Variants in TP63 observed in about 807,000 individuals in gnomAD.
TP63 encodes the protein tumor protein p63.
A neutral mutation model predicts 82.8 loss-of-function variants in TP63; 17 were observed. The observed-to-expected ratio is 0.21, with a 90% confidence interval of 0.14 to 0.31. The LOEUF is 0.31. TP63 is among the 10% of genes least tolerant of loss of function. The pLI is 1.00. For synonymous variants in TP63, 330 were observed against 321.7 expected, an observed-to-expected ratio of 1.03 and a Z score of -0.28; for missense variants, 648 against 895.3, an observed-to-expected ratio of 0.72 and a Z score of 3.52.
chr3:189,684,939 T>A (rs1716314697), intron 1 of TP63, among the ~76,000 whole-genome samples: 1 of 152,122 alleles, frequency 6.6e-6, no homozygotes, highest in Non-Finnish European at 1.5e-5. Flanking sequence ...GCCAAGGATA[T>A]ACTTATATAT....
At position 189,696,487 on chromosome 3, in the gene TP63, G is replaced by A. The variant is rs775371732; in HGVS notation, c.63-41253G>A. ...CTTGCTTCCAATTCTTGGTAATTAT[G>A]AATAAAACTGCTATAAACATTCCAA... On this transcript the variant is annotated intron_variant, in intron 1 of 13. Coordinates refer to ENST00000264731, the MANE Select transcript of TP63 (RefSeq NM_003722.5). 5.3e-5 allele frequency among the ~76,000 whole-genome samples: 8 copies of A among 152,216 alleles called. No individual in the cohort carries two copies. In the South Asian group the frequency reaches 8.3e-4, roughly 16 times the overall value.
At chr3:189,781,910 A>C (rs1207382820) in intron 3 of TP63, among the ~76,000 whole-genome samples, 1 of 152,144 alleles carries the variant, frequency 6.6e-6, no homozygotes, top group Non-Finnish European at 1.5e-5. Context: ...ATCTAGGTTA[A>C]ATAGACAAAT....
intron 3 of TP63, among the ~76,000 whole-genome samples, chr3:189,760,987 A>G (rs989914848): frequency 1.3e-5 from 2 of 152,186 alleles, no homozygotes; most frequent in Admixed American, 6.6e-5. Flanking sequence ...TCTCAGCCAC[A>G]GGTAGAATGG....
chr3:189,639,396 G>A (rs1711607868), intron 1 of TP63, among the ~76,000 whole-genome samples: 1 of 151,962 alleles, frequency 6.6e-6, no homozygotes, highest in Non-Finnish European at 1.5e-5. Flanking sequence ...CTTAGATTGT[G>A]GGAATTAATT....
intron 1 of TP63, among the ~76,000 whole-genome samples, chr3:189,735,627 G>T (rs1720522871): frequency 1.3e-5 from 2 of 152,058 alleles, no homozygotes; most frequent in Non-Finnish European, 2.9e-5. Flanking sequence ...CATTCCCATT[G>T]ATTTTGCCCT....
At chr3:189,759,269 G>T (rs113296677) in intron 3 of TP63, among the ~76,000 whole-genome samples, 1 of 152,128 alleles carries the variant, frequency 6.6e-6, no homozygotes, top group Non-Finnish European at 1.5e-5. Context: ...AGTGAGAGTG[G>T]TGATCTTTCT....
intron 10 of TP63, among the ~76,000 whole-genome samples, chr3:189,876,760 A>G (rs1195583875): frequency 6.6e-6 from 1 of 152,174 alleles, no homozygotes; most frequent in Admixed American, 6.5e-5. Context: ...TCTTATTTTC[A>G]TGCAAATCTC....
At chr3:189,682,521 A>T (rs1395116249) in intron 1 of TP63, among the ~76,000 whole-genome samples, 4 of 127,814 alleles carry the variant, frequency 3.1e-5, no homozygotes, top group Admixed American at 2.5e-4. Context: ...CATTCCTGGG[A>T]CTTGGTCCTA....
At chr3:189,666,145 C>T (rs564619483) in intron 1 of TP63, among the ~76,000 whole-genome samples, 1 of 152,104 alleles carries the variant, frequency 6.6e-6, no homozygotes, top group South Asian at 2.1e-4. Context: ...AGATACTTAT[C>T]AAACGTAATA....
intron 4 of TP63, among the ~76,000 whole-genome samples, chr3:189,854,952 G>A (rs1013556576): frequency 6.6e-6 from 1 of 152,164 alleles, no homozygotes; most frequent in African/African-American, 2.4e-5. Context: ...AAGGGATGAA[G>A]ATTAAATAAG....
chr3:189,675,959 A>G (rs1412866730), intron 1 of TP63, among the ~76,000 whole-genome samples: 1 of 105,826 alleles, frequency 9.4e-6, no homozygotes, highest in Non-Finnish European at 2.0e-5. Flanking sequence ...CACATTCATT[A>G]AAAAGAACCG....
chr3:189,688,223 T>C (rs908553087), intron 1 of TP63, among the ~76,000 whole-genome samples: 2 of 152,190 alleles, frequency 1.3e-5, no homozygotes, highest in Non-Finnish European at 2.9e-5. Context: ...GAGATAATAT[T>C]GTCTTCCTCC....
chr3:189,689,689 T>C lies in TP63; in HGVS notation c.63-48051T>C, dbSNP rs143088045. The stretch of plus-strand genomic sequence containing the variant: ...TCAAAAAAAGGATAGGTAACATTGG[T>C]CTATGTCCTAGATTACTGCTCATTG... On this transcript the variant is annotated intron_variant, in intron 1 of 13. Coordinates refer to ENST00000264731, the MANE Select transcript of TP63 (RefSeq NM_003722.5). 4.1e-3 allele frequency among the ~76,000 whole-genome samples: 627 copies of C among 152,270 alleles called. 3 individuals carry two copies. Among genetic ancestry groups the C allele is most frequent in the Middle Eastern group, 0.034 (10 of 294 alleles).
At chr3:189,673,154 A>G (rs930292427) in intron 1 of TP63, among the ~76,000 whole-genome samples, 2 of 152,102 alleles carry the variant, frequency 1.3e-5, no homozygotes, top group African/African-American at 4.8e-5. Flanking sequence ...GAATTTAATA[A>G]ATAACAATCA....
intron 3 of TP63, among the ~76,000 whole-genome samples, chr3:189,794,824 C>T (rs569403985): frequency 6.6e-6 from 1 of 152,134 alleles, no homozygotes; most frequent in East Asian, 1.9e-4. Context: ...ATGCATCTCT[C>T]TGCATTGCAC....
At chr3:189,615,640 CT>C in the TP63 span, among the ~76,000 whole-genome samples, 10 of 152,264 alleles carry the variant, frequency 6.6e-5, no homozygotes, top group African/African-American at 1.7e-4. Flanking sequence ...TTGCTCCAGG[CT>C]TCCTTGTCTC....
At chr3:189,618,476 G>A in the TP63 span, among the ~76,000 whole-genome samples, 2 of 152,132 alleles carry the variant, frequency 1.3e-5, no homozygotes, top group Non-Finnish European at 2.9e-5. Flanking sequence ...TGCAGGTCAA[G>A]CCCCCTGGCT....
rs1304092588 is a variant in TP63 at position 189,824,388 on chromosome 3, A to G, written c.579+15862A>G. ...GCTAGGACTACAGGTGCCTGCCACC[A>G]TGCCTGGCTAATTTTTGTATTTTTA... On this transcript the variant is annotated intron_variant, in intron 4 of 13. Coordinates refer to ENST00000264731, the MANE Select transcript of TP63 (RefSeq NM_003722.5). Among the ~76,000 whole-genome samples the G allele has an allele frequency of 2.6e-5, 4 of 151,768 alleles. No individual in the cohort carries two copies. The South Asian group carries it at 6.3e-4, about 24-fold the overall frequency.
rs1577326911 is a variant in TP63, at chr3:189,736,874, G to A, written c.63-866G>A. 1.3e-5 allele frequency among the ~76,000 whole-genome samples: 2 copies of A among 151,970 alleles called. 1 individual carries two copies. Among genetic ancestry groups the A allele is most frequent in the East Asian group, 3.9e-4 (2 of 5,166 alleles). The stretch of plus-strand genomic sequence containing the variant: ...TTAAGAACTTAACTAATTTTATCCT[G>A]GGATAAAATTAGTCTACTGATTATC... On this transcript the variant is annotated intron_variant, in intron 1 of 13. Coordinates refer to ENST00000264731, the MANE Select transcript of TP63 (RefSeq NM_003722.5).
Sources: allele counts gnomAD v4.1 joint callset (sites outside exome capture counted in the v4.1 genomes callset), GRCh38; gene constraint gnomAD v4.1.1; transcripts MANE v1.5; gene names NCBI Gene and HGNC (gene_info 2026-07-23, HGNC 2026-07-21).